Variants in SRBD1 observed in about 807,000 individuals in gnomAD.
SRBD1 encodes S1 RNA binding domain 1, also known as S1 RNA-binding domain-containing protein 1.
A neutral mutation model predicts 115.3 loss-of-function variants in SRBD1; 88 were observed. The ratio of observed to expected loss-of-function variants is 0.76; its 90% CI spans 0.64 to 0.91. The LOEUF is 0.91. Ranked by LOEUF, SRBD1 falls within the 40% of genes least tolerant of loss-of-function variation. SRBD1 has a pLI of 0.00. For missense variants in SRBD1, 1,385 were observed against 1,177.4 expected, an observed-to-expected ratio of 1.18 and a Z score of -2.58; for synonymous variants, 509 against 407.7, an observed-to-expected ratio of 1.25 and a Z score of -2.99.
At chr2:45,470,477 G>A (rs1669612908) in intron 16 of SRBD1, among the ~76,000 whole-genome samples, 1 of 152,140 alleles carries the variant, frequency 6.6e-6, no homozygotes, top group Non-Finnish European at 1.5e-5. Context: ...ATCTAACAGA[G>A]AGGCACAAAG....
Position 45,541,147 on chromosome 2 carries a change from C to T in SRBD1, c.1874+5585G>A, listed in dbSNP as rs189062602. ...GGTCCGGCCACTGTGCAGAGCTAGG[C>T]GTGCCAGCTGTGGCAGGGCAGGTGG... On this transcript the variant is annotated intron_variant, in intron 14 of 20. Transcript: ENST00000263736. Among the ~76,000 whole-genome samples, 369 of 152,340 alleles carry T rather than the reference C, an allele frequency of 2.4e-3. 3 individuals carry two copies. The highest frequency in any genetic ancestry group is 8.2e-3 in the African/African-American group (343 of 41,578).
rs1465801427 is a variant in SRBD1, at chr2:45,414,540, CACAT to C, written c.2334-1251_2334-1248del. On this transcript the variant is annotated intron_variant, in intron 18 of 20. Transcript: ENST00000263736. The stretch of plus-strand genomic sequence containing the variant: ...ATAGTGTGTATATAGTGTGTGTACA[CACAT>C]AGTGTCTGTAGTGTGTGTACACACA... Among the ~76,000 whole-genome samples, 8 of 144,012 alleles carry C rather than the reference CACAT, an allele frequency of 5.6e-5. 1 individual carries two copies. The South Asian group carries it at 6.5e-4, about 12-fold the overall frequency. The allele number at this position is 144,012 out of a possible 152,430, so 94.5% of individuals were successfully genotyped here. A position where few individuals can be genotyped will look rare whatever the true frequency, so the allele number is the denominator to read the frequency against.
intron 16 of SRBD1, among the ~76,000 whole-genome samples, chr2:45,430,290 C>A (rs1191720828): frequency 6.6e-6 from 1 of 152,106 alleles, no homozygotes; most frequent in East Asian, 1.9e-4. Flanking sequence ...TAGAAAAAAA[C>A]TACTTTAAAT....
intron 4 of SRBD1, among the ~76,000 whole-genome samples, chr2:45,595,864 T>G (rs1673878517): frequency 6.6e-6 from 1 of 152,200 alleles, no homozygotes; most frequent in East Asian, 1.9e-4. Flanking sequence ...AGGAAAATGC[T>G]GAGCTTAATA....
chr2:45,432,248 T>G (rs76420295), intron 16 of SRBD1, among the ~76,000 whole-genome samples: 1 of 151,990 alleles, frequency 6.6e-6, no homozygotes. Context: ...AGGCTGGTCT[T>G]GAACTCCCGA....
At chr2:45,401,919 G>A (rs1049721805) in intron 19 of SRBD1, among the ~76,000 whole-genome samples, 1 of 152,178 alleles carries the variant, frequency 6.6e-6, no homozygotes, top group African/African-American at 2.4e-5. Flanking sequence ...TTGCTCGGCA[G>A]TAAGCTCCGG....
At chr2:45,518,526 C>A (rs1293787410) in intron 14 of SRBD1, among the ~76,000 whole-genome samples, 1 of 152,144 alleles carries the variant, frequency 6.6e-6, no homozygotes, top group Non-Finnish European at 1.5e-5. Context: ...CATGGCCCCA[C>A]CTCATACCTC....
chr2:45,542,315 G>C (rs1026548834), intron 14 of SRBD1, among the ~76,000 whole-genome samples: 1 of 152,254 alleles, frequency 6.6e-6, no homozygotes, highest in African/African-American at 2.4e-5. Flanking sequence ...GGAGAGGCCA[G>C]GGAGGTGGAG....
intron 1 of SRBD1, among the ~76,000 whole-genome samples, chr2:45,606,438 G>A (rs1218104052): frequency 6.6e-6 from 1 of 152,010 alleles, no homozygotes; most frequent in Non-Finnish European, 1.5e-5. Context: ...GGGATTACAG[G>A]CATGAGTCAC....
intron 15 of SRBD1, among the ~76,000 whole-genome samples, chr2:45,487,432 C>G (rs888424099): frequency 2.0e-5 from 3 of 152,102 alleles, no homozygotes; most frequent in African/African-American, 7.2e-5. Flanking sequence ...AAAATCAAAG[C>G]AAGCTGTTTT....
At chr2:45,557,246 G>A (rs1210233726) in intron 10 of SRBD1, among the ~76,000 whole-genome samples, 1 of 152,188 alleles carries the variant, frequency 6.6e-6, no homozygotes, top group Non-Finnish European at 1.5e-5. Context: ...GACGAGGTAG[G>A]AGAGAGAACA....
intron 14 of SRBD1, among the ~76,000 whole-genome samples, chr2:45,508,133 T>C (rs559040671): frequency 1.3e-5 from 2 of 152,310 alleles, no homozygotes; most frequent in East Asian, 3.9e-4. Flanking sequence ...ATAATTTAAA[T>C]GTATATATTC....
intron 9 of SRBD1, among the ~76,000 whole-genome samples, chr2:45,567,405 T>C (rs1323041368): frequency 6.6e-6 from 1 of 150,654 alleles, no homozygotes; most frequent in Non-Finnish European, 1.5e-5. Flanking sequence ...AGCTCAGGAG[T>C]TCAAGATGAG....
chr2:45,479,965 T>C (rs1285520020), intron 15 of SRBD1, among the ~76,000 whole-genome samples: 1 of 152,156 alleles, frequency 6.6e-6, no homozygotes, highest in Admixed American at 6.5e-5. Context: ...TTAAGAATTA[T>C]GCTAGATCTA....
chr2:45,418,883 A>G (rs1283244110), intron 17 of SRBD1, among the ~76,000 whole-genome samples: 1 of 152,116 alleles, frequency 6.6e-6, no homozygotes, highest in Admixed American at 6.5e-5. Flanking sequence ...AATTTTGCCT[A>G]TTTTTTTCAG....
intron 9 of SRBD1, among the ~76,000 whole-genome samples, chr2:45,565,968 G>T (rs1672815535): frequency 6.6e-6 from 1 of 152,154 alleles, no homozygotes; most frequent in African/African-American, 2.4e-5. Flanking sequence ...AGAGGTATTT[G>T]TTCAAAAATT....
chr2:45,556,449 T>C lies in SRBD1; in HGVS notation c.1410-2719A>G, dbSNP rs935557071. 3.2e-4 allele frequency among the ~76,000 whole-genome samples: 6 copies of C among 18,920 alleles called. No homozygotes were observed. In the East Asian group the frequency reaches 3.6e-3, roughly 11 times the overall value. 12.4% of individuals were successfully genotyped at this position (18,920 alleles called of 152,430 possible). On this transcript the variant is annotated intron_variant, in intron 10 of 20. Coordinates refer to ENST00000263736, the MANE Select transcript of SRBD1 (RefSeq NM_018079.5). The stretch of plus-strand genomic sequence containing the variant: ...TCTGTTCTGCTCTATGCTCTATTAC[T>C]TTTTTTTTTTTTTTTTTTTTTTTTT...
At chr2:45,582,310 G>T (rs565847129) in intron 5 of SRBD1, among the ~76,000 whole-genome samples, 1 of 152,096 alleles carries the variant, frequency 6.6e-6, no homozygotes, top group African/African-American at 2.4e-5. Flanking sequence ...ATTAAATACC[G>T]ATGGAGCATC....
At chr2:45,415,655 A>G (rs1339663692) in intron 18 of SRBD1, among the ~76,000 whole-genome samples, 116 of 16,824 alleles carry the variant, frequency 6.9e-3, no homozygotes, top group Non-Finnish European at 0.011. Context: ...AGGGGAGGGG[A>G]GGGGAGGGGA....
Sources: allele counts gnomAD v4.1 joint callset (sites outside exome capture counted in the v4.1 genomes callset), GRCh38; gene constraint gnomAD v4.1.1; transcripts MANE v1.5; gene names NCBI Gene and HGNC (gene_info 2026-07-23, HGNC 2026-07-21).